Variants in GDPD4 observed in about 807,000 individuals in gnomAD.
GDPD4 encodes glycerophosphodiester phosphodiesterase 6.
GDPD4 carries 60 observed loss-of-function variants against 67.8 expected under a neutral mutation model. That is an observed-to-expected ratio of 0.88 (90% CI 0.72 to 1.10). The LOEUF (loss-of-function observed/expected upper bound fraction) is 1.10, where lower values mean the gene tolerates loss of function less well. Among genes scored for constraint, GDPD4 ranks in the 50% least tolerant of loss-of-function variants. The probability of loss-of-function intolerance (pLI) is 0.00; values close to 1 mark genes in which losing one functional copy is unlikely to be tolerated. For synonymous variants in GDPD4, 212 were observed against 210.9 expected (o/e 1.00, Z -0.04); for missense variants, 623 against 613.9 (o/e 1.01, Z -0.16).
chr11:77,244,244 A>C (rs1390070505), intron 12 of GDPD4, among the ~76,000 whole-genome samples: 1 of 152,158 alleles, frequency 6.6e-6, no homozygotes, highest in Non-Finnish European at 1.5e-5. Flanking sequence ...CGTATTAGCC[A>C]GGATGGTCTC....
At chr11:77,231,683 A>G (rs577726467) in intron 14 of GDPD4, among the ~76,000 whole-genome samples, 23 of 152,252 alleles carry the variant, frequency 1.5e-4, no homozygotes, top group Non-Finnish European at 3.2e-4. Context: ...TACCTCCCAA[A>G]GGGACAACTT....
chr11:77,225,525 G>A (rs1367792968), intron 16 of GDPD4, among the ~76,000 whole-genome samples: 3 of 151,968 alleles, frequency 2.0e-5, no homozygotes, highest in Non-Finnish European at 4.4e-5. Context: ...GCACGCACAC[G>A]CACGAAGTTA....
At chr11:77,279,867 G>A (rs1959677464) in intron 3 of GDPD4, among the ~76,000 whole-genome samples, 1 of 151,990 alleles carries the variant, frequency 6.6e-6, no homozygotes, top group Non-Finnish European at 1.5e-5. Flanking sequence ...TGTAGCATAT[G>A]AGAGAAAATT....
chr11:77,255,326 G>C (rs1006429137), intron 11 of GDPD4, among the ~76,000 whole-genome samples: 18 of 152,242 alleles, frequency 1.2e-4, no homozygotes, highest in East Asian at 7.7e-4. Flanking sequence ...CAGCACTTTG[G>C]GGGGCTGAGG....
At chr11:77,282,358 G>GA (rs1959793659) in intron 3 of GDPD4, among the ~76,000 whole-genome samples, 1 of 151,870 alleles carries the variant, frequency 6.6e-6, no homozygotes, top group South Asian at 2.1e-4. Context: ...AAGAAAAGAG[G>GA]AAAAAAGAAC....
rs573287814 is a variant in GDPD4, at chr11:77,222,760, GA to G, written c.1525+5103del. Among the ~76,000 whole-genome samples, 541 of 152,274 alleles carry G rather than the reference GA, an allele frequency of 3.6e-3. 1 individual carries two copies. The highest frequency in any genetic ancestry group is 5.4e-3 in the Non-Finnish European group (368 of 68,028). On this transcript the variant is annotated intron_variant, in intron 16 of 16. Coordinates refer to ENST00000315938, the MANE Select transcript of GDPD4 (RefSeq NM_182833.3). ...CTTTGTGGTGGTCTCTGTATTTCCT[GA>G]ATTTGAATGTTGGCCTGCCTTGCTA...
intron 11 of GDPD4, among the ~76,000 whole-genome samples, chr11:77,252,243 T>C (rs1025147952): frequency 4.6e-5 from 7 of 152,044 alleles, no homozygotes; most frequent in Non-Finnish European, 8.8e-5. Context: ...CTGTGTTTTT[T>C]AGTAGAGACA....
chr11:77,298,140 G>A (rs1938039657), intron 1 of GDPD4, among the ~76,000 whole-genome samples: 1 of 152,020 alleles, frequency 6.6e-6, no homozygotes, highest in African/African-American at 2.4e-5. Context: ...AGATCTTGGA[G>A]ATTCAGTTTA....
chr11:77,226,779 GC>G (rs1958348317), intron 16 of GDPD4, among the ~76,000 whole-genome samples: 1 of 152,094 alleles, frequency 6.6e-6, no homozygotes, highest in Non-Finnish European at 1.5e-5. Context: ...ACTTGAGGTC[GC>G]CCTGCCTCAG....
intron 11 of GDPD4, among the ~76,000 whole-genome samples, chr11:77,252,076 T>TTTGTTTTGTTTTG (rs1958915191): frequency 6.7e-6 from 1 of 149,196 alleles, no homozygotes. Context: ...TTTTTTTTTT[T>TTTGTTTTGTTTTG]TTTTTGAGAC....
At chr11:77,225,715 C>A (rs1958319815) in intron 16 of GDPD4, among the ~76,000 whole-genome samples, 1 of 152,198 alleles carries the variant, frequency 6.6e-6, no homozygotes, top group African/African-American at 2.4e-5. Flanking sequence ...TACCCCCTCA[C>A]ACTAGAGAGA....
chr11:77,248,075 A>G (rs1383129553), intron 11 of GDPD4, among the ~76,000 whole-genome samples: 1 of 151,556 alleles, frequency 6.6e-6, no homozygotes, highest in African/African-American at 2.4e-5. Flanking sequence ...AAAAAAAGAA[A>G]AGAAAGAAAG....
At chr11:77,289,045 G>A (rs187193405) in intron 1 of GDPD4, among the ~76,000 whole-genome samples, 1 of 149,148 alleles carries the variant, frequency 6.7e-6, no homozygotes, top group African/African-American at 2.5e-5. Context: ...AGGGAAGCGG[G>A]AGAGAGAAAG....
At chr11:77,296,819 G>A (rs2602483) in intron 1 of GDPD4, among the ~76,000 whole-genome samples, 28,909 of 151,156 alleles carry the variant, frequency 0.19, 3,620 homozygotes, top group Non-Finnish European at 0.27. Flanking sequence ...TAGCACTTTG[G>A]GAGGCCGAGG....
chr11:77,299,328 A>C (rs78255901), intron 1 of GDPD4, among the ~76,000 whole-genome samples: 2,856 of 152,324 alleles, frequency 0.019, 44 homozygotes, highest in Non-Finnish European at 0.031. Context: ...ACTTCCTTCA[A>C]TTCCTTGCTC....
intron 1 of GDPD4, 54 bp downstream of exon 1, chr11:77,301,551 C>G (rs71469556): frequency 6.6e-6 from 1 of 152,228 alleles, no homozygotes; most frequent in South Asian, 2.1e-4. Context: ...AATAGAACTT[C>G]CTGCTTCTGG....
Position 77,217,040 on chromosome 11 carries a change from G to T in GDPD4, c.*237C>A, listed in dbSNP as rs1958133829. ...CTCACTTGTAGCCTGCCTGGTGGGT[G>T]CTTGGGTGAGTTCAAAGACCACGGT... is the stretch of plus-strand genomic sequence containing the variant. On this transcript the variant is annotated 3_prime_UTR_variant, in exon 17 of 17. Transcript: ENST00000315938. 1 of 703,914 alleles carries T rather than the reference G, an allele frequency of 1.4e-6. No individual in the cohort carries two copies. The highest frequency in any genetic ancestry group is 1.5e-5 in the South Asian group (1 of 67,596). 43.6% of individuals were successfully genotyped at this position (703,914 alleles called of 1,614,324 possible). A position where few individuals can be genotyped will look rare whatever the true frequency, so the allele number is the denominator to read the frequency against.
At chr11:77,293,742 T>C (rs1277278099) in intron 1 of GDPD4, among the ~76,000 whole-genome samples, 1 of 152,232 alleles carries the variant, frequency 6.6e-6, no homozygotes, top group Non-Finnish European at 1.5e-5. Context: ...GCGAATATTA[T>C]GCCTTTATAT....
At position 77,235,072 on chromosome 11, in the gene GDPD4, G is replaced by A. The variant is rs180903700; in HGVS notation, c.1242-1900C>T. ...GTAATAGCCATTCTGACTGGTGTGA[G>A]ATGGTATCTCATCAGGGTTTTGATT... On this transcript the variant is annotated intron_variant, in intron 13 of 16. Coordinates refer to ENST00000315938, the MANE Select transcript of GDPD4 (RefSeq NM_182833.3). Among the ~76,000 whole-genome samples the A allele has an allele frequency of 4.0e-3, 508 of 127,322 alleles. 3 individuals are homozygous for A. The highest frequency in any genetic ancestry group is 0.014 in the African/African-American group (482 of 34,002). 83.5% of individuals were successfully genotyped at this position (127,322 alleles called of 152,430 possible).
Sources: allele counts gnomAD v4.1 joint callset (sites outside exome capture counted in the v4.1 genomes callset), GRCh38; gene constraint gnomAD v4.1.1; transcripts MANE v1.5; gene names NCBI Gene and HGNC (gene_info 2026-07-23, HGNC 2026-07-21).